SHLD2: variants seen among roughly 807,000 people sequenced by gnomAD.
SHLD2 encodes the protein shieldin complex subunit 2.
Under a neutral mutation model 73.2 loss-of-function variants are expected in SHLD2, and 30 were observed. That is an observed-to-expected ratio of 0.41 (90% confidence interval 0.31 to 0.56). The LOEUF (loss-of-function observed/expected upper bound fraction) is 0.56, where lower values mean the gene tolerates loss of function less well. Among genes scored for constraint, SHLD2 ranks in the 20% least tolerant of loss-of-function variants. The pLI, the probability that SHLD2 is intolerant of heterozygous loss-of-function variation, is 0.28. For synonymous variants in SHLD2, 285 were observed against 370.1 expected, an observed-to-expected ratio of 0.77 and a Z score of 2.64; for missense variants, 745 against 1,055.9, an observed-to-expected ratio of 0.71 and a Z score of 4.08.
intron 7 of SHLD2, 26 bp from the exon 8 acceptor site, chr10:87,180,049 A>G: frequency 6.3e-7 from 1 of 1,590,514 alleles, no homozygotes; most frequent in South Asian, 1.1e-5. Flanking sequence ...CCAATAATTT[A>G]TAATATATCT....
At chr10:87,094,668 C>T, upstream of SHLD2, 1 of 1,558,700 alleles carries the variant, frequency 6.4e-7, no homozygotes, top group Non-Finnish European at 8.7e-7. This position sits in a 1 kb window ranked among gnomAD's most constrained non-coding sequence, Gnocchi z 6.6. Context: ...CGGGCTGTCC[C>T]CGGGCCCAGC....
intron 8 of SHLD2, among the ~76,000 whole-genome samples, chr10:87,183,504 A>G (rs1199453581): frequency 6.6e-6 from 1 of 152,122 alleles, no homozygotes; most frequent in African/African-American, 2.4e-5. Context: ...ACACTCCCAT[A>G]TTTCTTTTAT....
At chr10:87,148,330 G>A (rs1428242692) in intron 2 of SHLD2, among the ~76,000 whole-genome samples, 1 of 152,166 alleles carries the variant, frequency 6.6e-6, no homozygotes, top group Non-Finnish European at 1.5e-5. Flanking sequence ...AAGTACAAAA[G>A]AATTCCAATA....
chr10:87,137,900 A>G (rs1421956387), intron 2 of SHLD2, among the ~76,000 whole-genome samples: 1 of 152,164 alleles, frequency 6.6e-6, no homozygotes, highest in Non-Finnish European at 1.5e-5. Context: ...TGGCTAATCC[A>G]TGTTTTCAGA....
At chr10:87,128,187 C>T (rs1054297498) in intron 2 of SHLD2, among the ~76,000 whole-genome samples, 2 of 152,154 alleles carry the variant, frequency 1.3e-5, no homozygotes, top group African/African-American at 4.8e-5. Flanking sequence ...TAACCATCCT[C>T]AACTCATAGG....
chr10:87,111,664 A>T (rs1226604370), intron 2 of SHLD2, among the ~76,000 whole-genome samples: 1 of 147,374 alleles, frequency 6.8e-6, no homozygotes, highest in Non-Finnish European at 1.5e-5. Flanking sequence ...AAAAAAAAGA[A>T]GTGGGGTTTC....
intron 4 of SHLD2, among the ~76,000 whole-genome samples, chr10:87,168,070 G>C (rs1427018129): frequency 1.3e-5 from 2 of 152,168 alleles, no homozygotes; most frequent in Non-Finnish European, 2.9e-5. Context: ...ACAGTTTGGG[G>C]TTTTCTCAAA....
At chr10:87,160,658 A>G (rs1417116323) in intron 4 of SHLD2, among the ~76,000 whole-genome samples, 1 of 152,082 alleles carries the variant, frequency 6.6e-6, no homozygotes, top group Non-Finnish European at 1.5e-5. Context: ...GCAACTATTC[A>G]TCTTATACTA....
chr10:87,167,243 G>A (rs944052049), intron 4 of SHLD2, among the ~76,000 whole-genome samples: 7 of 152,152 alleles, frequency 4.6e-5, no homozygotes, highest in African/African-American at 1.4e-4. Flanking sequence ...TCAGGTTTTT[G>A]TAGAATTATG....
intron 3 of SHLD2, among the ~76,000 whole-genome samples, chr10:87,155,045 C>T (rs1478648664): frequency 1.3e-5 from 2 of 152,198 alleles, no homozygotes; most frequent in Non-Finnish European, 2.9e-5. Context: ...CGCCATTTTC[C>T]TGCCTCAGCC....
chr10:87,143,919 A>G (rs1277642665), intron 2 of SHLD2, among the ~76,000 whole-genome samples: 1 of 146,444 alleles, frequency 6.8e-6, no homozygotes, highest in Non-Finnish European at 1.5e-5. Context: ...GCTGGAGTAC[A>G]GTGACGCGAT....
At chr10:87,175,257 CCTTT>C (rs1421697901) in intron 6 of SHLD2, among the ~76,000 whole-genome samples, 1 of 152,016 alleles carries the variant, frequency 6.6e-6, no homozygotes, top group Admixed American at 6.6e-5. Flanking sequence ...ATTTCAGTGT[CCTTT>C]CTTTAACAAA....
chr10:87,180,865 C>T (rs1848260611), intron 8 of SHLD2, among the ~76,000 whole-genome samples: 1 of 152,132 alleles, frequency 6.6e-6, no homozygotes, highest in Non-Finnish European at 1.5e-5. Context: ...CAAAATAGCA[C>T]TCAGTGTTTT....
chr10:87,146,349 A>T (rs1431962893), intron 2 of SHLD2, among the ~76,000 whole-genome samples: 1 of 151,938 alleles, frequency 6.6e-6, no homozygotes, highest in African/African-American at 2.4e-5. Context: ...GCTGGAGTGC[A>T]GTGGCCCGAT....
At chr10:87,108,401 G>C (rs1175776997) in intron 2 of SHLD2, among the ~76,000 whole-genome samples, 1 of 152,150 alleles carries the variant, frequency 6.6e-6, no homozygotes, top group Non-Finnish European at 1.5e-5. Context: ...GGCCAGGCTG[G>C]TCTTGAACCC....
intron 9 of SHLD2, among the ~76,000 whole-genome samples, 190 bp downstream of exon 9, chr10:87,187,390 A>G (rs1271060073): frequency 6.6e-6 from 1 of 152,256 alleles, no homozygotes; most frequent in Non-Finnish European, 1.5e-5. Flanking sequence ...CTGTTAGTAC[A>G]TGAACAGCGG....
intron 2 of SHLD2, among the ~76,000 whole-genome samples, chr10:87,132,219 T>A (rs1844479279): frequency 1.3e-5 from 2 of 152,220 alleles, no homozygotes; most frequent in Admixed American, 6.5e-5. Flanking sequence ...GGTTGTGATG[T>A]AATGATGTCA....
chr10:87,100,634 C>T (rs1292770536), intron 2 of SHLD2, among the ~76,000 whole-genome samples: 2 of 152,046 alleles, frequency 1.3e-5, no homozygotes, highest in Non-Finnish European at 2.9e-5. Flanking sequence ...CGTGCCACTA[C>T]GCCCAGCTAA....
rs376954718 is a variant in SHLD2 at position 87,095,539 on chromosome 10, C to T, written c.-62+291C>T. Among the ~76,000 whole-genome samples the T allele has an allele frequency of 3.3e-5, 5 of 152,300 alleles. No individual in the cohort carries two copies. The East Asian group carries it at 9.7e-4, about 29-fold the overall frequency. On this transcript the variant is annotated intron_variant, in intron 1 of 9. Coordinates refer to ENST00000298786, the MANE Select transcript of SHLD2 (RefSeq NM_001330112.2). Reference sequence around the variant, plus strand: ...CAGGAAAGCGAGGCAGAGCCGCCGCCGCGTAAGGCCGGGCTGAGGGCTCGG... The same window carrying T: ...CAGGAAAGCGAGGCAGAGCCGCCGCTGCGTAAGGCCGGGCTGAGGGCTCGG...
Sources: gnomAD v4.1 joint callset for allele counts (sites outside exome capture counted in the v4.1 genomes callset) on GRCh38, gnomAD v4.1.1 for gene constraint, Gnocchi (gnomAD v3.1) non-coding constraint, MANE v1.5 for transcripts, NCBI Gene and HGNC (gene_info 2026-07-23, HGNC 2026-07-21) for gene names.